Variants in COL5A1 observed in about 807,000 individuals in gnomAD.
COL5A1 encodes the protein collagen alpha-1(V) chain.
In COL5A1, 16 loss-of-function variants were observed where a neutral mutation model predicts 263.7. The observed-to-expected ratio is 0.06, with a 90% CI of 0.04 to 0.09. The LOEUF is 0.09. COL5A1 is among the 10% of genes least tolerant of loss of function. The pLI is 1.00. For missense variants in COL5A1, 2,036 were observed against 2,540.5 expected (o/e 0.80, Z 4.27); for synonymous variants, 1,012 against 1,004.5 (o/e 1.01, Z -0.14).
intron 4 of COL5A1, among the ~76,000 whole-genome samples, chr9:134,718,013 G>GC (rs71505313): frequency 0.17 from 25,623 of 152,104 alleles, 2,423 homozygotes; most frequent in East Asian, 0.41. Flanking sequence ...GGGCTGGGGG[G>GC]CCGCGGCCAC....
At chr9:134,817,143 C>A in intron 53 of COL5A1, 64 bp downstream of exon 53, 2 of 1,471,086 alleles carry the variant, frequency 1.4e-6, no homozygotes, top group East Asian at 2.3e-5. Context: ...CCGCCCCTCC[C>A]CGTCACCTTT....
At position 134,754,242 on chromosome 9, in the gene COL5A1, C is replaced by A; in HGVS notation, c.1774-31C>A. The A allele has an allele frequency of 6.2e-7, 1 of 1,611,530 alleles. No homozygotes were observed. The highest frequency in any genetic ancestry group is 1.1e-5 in the South Asian group (1 of 91,052). On this transcript the variant is annotated intron_variant, in intron 15 of 65. Transcript: ENST00000371817. This position sits in a 1 kb window ranked among gnomAD's most constrained non-coding sequence, Gnocchi z 4.3. ...CTTTCTCCTGAGAAAGGCGGACTCG[C>A]CACTGACCCTTTGTCTCTTACCCCT...
At chr9:134,722,032 C>CG (rs1232275261) in intron 4 of COL5A1, among the ~76,000 whole-genome samples, 1 of 152,254 alleles carries the variant, frequency 6.6e-6, no homozygotes. Context: ...TCCTTCTCCA[C>CG]GGGGGTGGTG....
chr9:134,688,651 C>A (rs1247744639), intron 1 of COL5A1, among the ~76,000 whole-genome samples: 1 of 152,182 alleles, frequency 6.6e-6, no homozygotes, highest in Non-Finnish European at 1.5e-5. Context: ...CCATGAGAGG[C>A]CTGGACGTGG....
At chr9:134,751,020 G>T in intron 13 of COL5A1, 138 bp downstream of exon 13, 1 of 777,072 alleles carries the variant, frequency 1.3e-6, no homozygotes, top group African/African-American at 1.7e-5. Context: ...GCTTGCTGGG[G>T]TCAGGAGCTG....
intron 39 of COL5A1, among the ~76,000 whole-genome samples, chr9:134,804,286 G>A (rs1838215342): frequency 6.6e-6 from 1 of 152,188 alleles, no homozygotes; most frequent in Admixed American, 6.5e-5. Flanking sequence ...AAACAGCACT[G>A]TGCTCCATGT....
chr9:134,791,049 C>T (rs911003983), intron 32 of COL5A1, among the ~76,000 whole-genome samples: 5 of 152,288 alleles, frequency 3.3e-5, no homozygotes, highest in Admixed American at 6.5e-5. Flanking sequence ...TCCCCACCGG[C>T]GAGCCGAGGA....
intron 4 of COL5A1, among the ~76,000 whole-genome samples, chr9:134,718,599 C>T (rs556877934): frequency 6.6e-6 from 1 of 152,314 alleles, no homozygotes; most frequent in Admixed American, 6.5e-5. Flanking sequence ...GTGCCTGCCC[C>T]TGCTCCTAGG....
At chr9:134,666,742 G>T (rs1364012042) in intron 1 of COL5A1, among the ~76,000 whole-genome samples, 2 of 152,182 alleles carry the variant, frequency 1.3e-5, no homozygotes, top group African/African-American at 4.8e-5. Flanking sequence ...TTCTGCCAGC[G>T]GGTATGGGGA....
At chr9:134,791,318 T>C (rs989778154) in intron 32 of COL5A1, among the ~76,000 whole-genome samples, 5 of 152,198 alleles carry the variant, frequency 3.3e-5, no homozygotes, top group Admixed American at 3.3e-4. Context: ...CCTTGAGCCA[T>C]GGTAGTGGTG....
chr9:134,667,860 C>G lies in COL5A1; in HGVS notation c.110-23052C>G, dbSNP rs570619320. 2.8e-3 allele frequency among the ~76,000 whole-genome samples: 419 copies of G among 152,278 alleles called. 3 individuals are homozygous for G. Among genetic ancestry groups the G allele is most frequent in the African/African-American group, 9.6e-3 (398 of 41,562 alleles). ...AGCTGAAATCCCTCACTTCCTAGGG[C>G]GTTTTGTGTCTTGTTTCTATGCAGT... On this transcript the variant is annotated intron_variant, in intron 1 of 65. Transcript: ENST00000371817.
rs374793673 is a variant in COL5A1 at position 134,772,880 on chromosome 9, C to T, written c.2331+46C>T. On this transcript the variant is annotated intron_variant, in intron 26 of 65. Transcript: ENST00000371817. ...CCTACCCTTCAGCATCCAGGTGGGGCGGGTCCAGGTGCTCTGGGCTCAGCC... is the reference window on the plus strand; with the variant it reads ...CCTACCCTTCAGCATCCAGGTGGGGTGGGTCCAGGTGCTCTGGGCTCAGCC... The T allele has an allele frequency of 2.7e-4, 432 of 1,591,094 alleles. 4 individuals are homozygous for T. The highest frequency in any genetic ancestry group is 2.4e-3 in the Middle Eastern group (13 of 5,372).
At chr9:134,687,823 G>A (rs532027670) in intron 1 of COL5A1, among the ~76,000 whole-genome samples, 20 of 152,286 alleles carry the variant, frequency 1.3e-4, no homozygotes, top group East Asian at 7.7e-4. Context: ...TTGTTGAGCC[G>A]GGAAGTGCAC....
intron 1 of COL5A1, among the ~76,000 whole-genome samples, chr9:134,662,689 C>G (rs1399758907): frequency 2.0e-5 from 3 of 152,226 alleles, no homozygotes; most frequent in Non-Finnish European, 2.9e-5. Context: ...CTCCTCTGAT[C>G]TCTCTCCCGG....
chr9:134,797,433 C>T (rs920010674), intron 36 of COL5A1, among the ~76,000 whole-genome samples: 4 of 152,206 alleles, frequency 2.6e-5, no homozygotes, highest in African/African-American at 9.7e-5. Context: ...CTGGCCACTG[C>T]CCCCATCTTC....
In COL5A1 at chr9:134,822,783, G is replaced by C. The variant is rs890445967; in HGVS notation, c.4609-215G>C. ...AGGGTGGGTGGTAGGCTGGCCGGGGGCAGGTAGGACCACCCTGTGTCTCCA... is the reference window on the plus strand; with the variant it reads ...AGGGTGGGTGGTAGGCTGGCCGGGGCCAGGTAGGACCACCCTGTGTCTCCA... On this transcript the variant is annotated intron_variant, in intron 59 of 65. Coordinates refer to ENST00000371817, the MANE Select transcript of COL5A1 (RefSeq NM_000093.5). The C allele has an allele frequency of 1.9e-5, 12 of 645,760 alleles. No homozygotes were observed. The African/African-American group carries it at 2.0e-4, about 11-fold the overall frequency. 40.0% of individuals were successfully genotyped at this position (645,760 alleles called of 1,614,324 possible). A position where few individuals can be genotyped will look rare whatever the true frequency, so the allele number is the denominator to read the frequency against.
intron 54 of COL5A1, 84 bp downstream of exon 54, chr9:134,817,915 C>A: frequency 7.3e-7 from 1 of 1,375,746 alleles, no homozygotes; most frequent in Non-Finnish European, 1.0e-6. Flanking sequence ...AGCGTGTGGG[C>A]AGAGATGTCC....
intron 41 of COL5A1, 73 bp downstream of exon 41, chr9:134,805,287 G>C: frequency 1.3e-6 from 2 of 1,554,174 alleles, no homozygotes; most frequent in South Asian, 2.2e-5. Flanking sequence ...GTCCCCGAGA[G>C]CCCAGAGCAT....
Position 134,716,523 on chromosome 9 carries a change from G to A in COL5A1, c.655-10743G>A, listed in dbSNP as rs904191428. On this transcript the variant is annotated intron_variant, in intron 4 of 65. Transcript: ENST00000371817. This position sits in a 1 kb window ranked among gnomAD's most constrained non-coding sequence, Gnocchi z 4.5. ...AGCCACAAGTGCAGGCCTTTGTGAG[G>A]TCACCACCCTTTGGGTGGCGAGTCT... is the stretch of plus-strand genomic sequence containing the variant. Among the ~76,000 whole-genome samples, 7 of 152,204 alleles carry A rather than the reference G, an allele frequency of 4.6e-5. No individual in the cohort carries two copies. The highest frequency in any genetic ancestry group is 8.8e-5 in the Non-Finnish European group (6 of 68,030).
Sources: gnomAD v4.1 joint callset for allele counts (sites outside exome capture counted in the v4.1 genomes callset) on GRCh38, gnomAD v4.1.1 for gene constraint, Gnocchi (gnomAD v3.1) non-coding constraint, MANE v1.5 for transcripts, NCBI Gene and HGNC (gene_info 2026-07-23, HGNC 2026-07-21) for gene names.